Variants in CNTN4 observed in about 807,000 individuals in gnomAD.
CNTN4 encodes the protein contactin-4.
CNTN4 carries 77 observed loss-of-function variants against 122.5 expected under a neutral mutation model. The ratio of observed to expected loss-of-function variants is 0.63; its 90% CI spans 0.52 to 0.76. CNTN4 has a LOEUF of 0.76. CNTN4 is among the 30% of genes least tolerant of loss of function. The pLI is 0.00. For missense variants in CNTN4, 1,256 were observed against 1,259.1 expected (o/e 1.00, Z 0.04); for synonymous variants, 512 against 447.0 (o/e 1.15, Z -1.83).
intron 3 of CNTN4, among the ~76,000 whole-genome samples, chr3:2,523,544 T>G (rs2077296487): frequency 6.6e-6 from 1 of 151,992 alleles, no homozygotes; most frequent in South Asian, 2.1e-4. Context: ...GGAAGGATCT[T>G]TTCTGAAAGA....
intron 4 of CNTN4, among the ~76,000 whole-genome samples, chr3:2,695,662 C>G (rs2138526): frequency 0.017 from 2,636 of 152,188 alleles, 78 homozygotes; most frequent in African/African-American, 0.06. Flanking sequence ...CTTTGTTGTC[C>G]TAAAGTATAT....
At chr3:2,753,042 T>C (rs564672751) in intron 6 of CNTN4, among the ~76,000 whole-genome samples, 7 of 152,328 alleles carry the variant, frequency 4.6e-5, no homozygotes, top group African/African-American at 1.7e-4. Context: ...TTAGGTTGAT[T>C]CCATATTTTG....
chr3:2,729,135 C>A (rs768144266), intron 4 of CNTN4, among the ~76,000 whole-genome samples: 2 of 152,122 alleles, frequency 1.3e-5, no homozygotes, highest in Non-Finnish European at 2.9e-5. Context: ...ATACTTCCAG[C>A]AAAAGAAAAG....
chr3:2,426,401 G>T (rs2047834752), intron 3 of CNTN4, among the ~76,000 whole-genome samples: 1 of 152,168 alleles, frequency 6.6e-6, no homozygotes, highest in Non-Finnish European at 1.5e-5. Flanking sequence ...AAGCAGCCTT[G>T]CATCCCAGGG....
At chr3:2,279,348 G>A (rs1403632) in intron 2 of CNTN4, among the ~76,000 whole-genome samples, 1 of 151,888 alleles carries the variant, frequency 6.6e-6, no homozygotes, top group Non-Finnish European at 1.5e-5. Context: ...ATATGCCCTG[G>A]GATATAATGC....
intron 2 of CNTN4, among the ~76,000 whole-genome samples, chr3:2,316,460 A>G (rs1416725949): frequency 1.3e-5 from 2 of 152,164 alleles, no homozygotes; most frequent in South Asian, 2.1e-4. Context: ...CAATTAGTTA[A>G]TTTATTGAAC....
intron 20 of CNTN4, chr3:3,040,491 G>C (rs1700056500): frequency 5.2e-6 from 3 of 577,372 alleles, no homozygotes; most frequent in Non-Finnish European, 9.4e-6. Flanking sequence ...GTCCATTATT[G>C]ATTCCATTGC....
At chr3:2,924,444 C>G (rs2012053) in intron 12 of CNTN4, among the ~76,000 whole-genome samples, 93,142 of 151,894 alleles carry the variant, frequency 0.61, 28,706 homozygotes, top group East Asian at 0.68. Context: ...ATGAGTCAGG[C>G]TTTTAAAATA....
In CNTN4 at chr3:2,885,962, A is replaced by T. The variant is rs1407280975; in HGVS notation, c.756-1078A>T. On this transcript the variant is annotated intron_variant, in intron 9 of 24. Transcript: ENST00000418658. ...AAGGTATTCACTCTTCTCGTAGGAC[A>T]GCTCAGGGCTGCCATGAGACAGAAA... Among the ~76,000 whole-genome samples, 3 of 152,232 alleles carry T rather than the reference A, an allele frequency of 2.0e-5. No homozygotes were observed. The East Asian group carries it at 5.8e-4, about 29-fold the overall frequency.
chr3:2,400,428 C>CATATATATATATATATATATGT (rs2046808350), intron 3 of CNTN4, among the ~76,000 whole-genome samples: 2 of 95,824 alleles, frequency 2.1e-5, no homozygotes, highest in Admixed American at 1.2e-4. Context: ...TATATATATA[C>CATATATATATATATATATATGT]ATATATATAT....
chr3:2,406,617 A>AT (rs200409025), intron 3 of CNTN4, among the ~76,000 whole-genome samples: 2 of 152,004 alleles, frequency 1.3e-5, no homozygotes, highest in East Asian at 1.9e-4. Context: ...ATATAAAGTA[A>AT]TTTTTTTTAA....
intron 7 of CNTN4, among the ~76,000 whole-genome samples, chr3:2,858,846 A>T (rs769188078): frequency 1.3e-5 from 2 of 152,262 alleles, no homozygotes; most frequent in Non-Finnish European, 2.9e-5. Flanking sequence ...ATTCGTATAC[A>T]TTATGGATTG....
At chr3:3,037,138 G>A in intron 17 of CNTN4, 41 bp from the exon 18 acceptor site, 3 of 1,611,234 alleles carry the variant, frequency 1.9e-6, no homozygotes, top group Non-Finnish European at 2.5e-6. Context: ...TTTGTTTTCT[G>A]AGAACCTATG....
At chr3:2,165,465 G>GATTACCACAA (rs1175608068) in intron 2 of CNTN4, among the ~76,000 whole-genome samples, 4 of 152,104 alleles carry the variant, frequency 2.6e-5, no homozygotes, top group Non-Finnish European at 1.5e-5. Context: ...ATTGTGACAA[G>GATTACCACAA]ATTACCACAA....
chr3:2,224,991 A>T (rs1000951431), intron 2 of CNTN4, among the ~76,000 whole-genome samples: 5 of 151,198 alleles, frequency 3.3e-5, no homozygotes, highest in African/African-American at 1.2e-4. Flanking sequence ...TCTACTAAAA[A>T]ATACAAAAAT....
chr3:2,290,974 C>T (rs1478612307), intron 2 of CNTN4, among the ~76,000 whole-genome samples: 1 of 151,994 alleles, frequency 6.6e-6, no homozygotes, highest in Non-Finnish European at 1.5e-5. Context: ...ATTAAATCAC[C>T]ATCTCATATT....
intron 2 of CNTN4, among the ~76,000 whole-genome samples, chr3:2,132,992 A>G (rs768898377): frequency 7.2e-5 from 11 of 152,186 alleles, no homozygotes; most frequent in Non-Finnish European, 1.3e-4. Context: ...GGTTTTACAG[A>G]AAAACAAGAC....
chr3:2,248,772 G>A (rs1424692114), intron 2 of CNTN4, among the ~76,000 whole-genome samples: 2 of 151,994 alleles, frequency 1.3e-5, no homozygotes, highest in Non-Finnish European at 2.9e-5. Context: ...TAAAGCGACA[G>A]AACAAACATG....
chr3:2,291,599 A>G (rs2042137077), intron 2 of CNTN4, among the ~76,000 whole-genome samples: 2 of 152,136 alleles, frequency 1.3e-5, no homozygotes, highest in Admixed American at 1.3e-4. Flanking sequence ...TAATGCTAAT[A>G]TAAAATTATT....
Sources: allele counts gnomAD v4.1 joint callset (sites outside exome capture counted in the v4.1 genomes callset), GRCh38; gene constraint gnomAD v4.1.1; transcripts MANE v1.5; gene names NCBI Gene and HGNC (gene_info 2026-07-23, HGNC 2026-07-21).